Variants in AIF1L observed in about 807,000 individuals in gnomAD.
AIF1L encodes allograft inflammatory factor 1 like.
Under a neutral mutation model 20.7 loss-of-function variants are expected in AIF1L, and 12 were observed. The observed-to-expected ratio is 0.58, with a 90% CI of 0.37 to 0.94. The LOEUF (loss-of-function observed/expected upper bound fraction) is 0.94, where lower values mean the gene tolerates loss of function less well. Among genes scored for constraint, AIF1L ranks in the 40% least tolerant of loss-of-function variants. The probability of loss-of-function intolerance (pLI) is 0.01; values close to 1 mark genes in which losing one functional copy is unlikely to be tolerated. For missense variants in AIF1L, 173 were observed against 185.3 expected (o/e 0.93, Z 0.39); for synonymous variants, 76 against 65.1 (o/e 1.17, Z -0.81).
chr9:131,102,972 G>A (rs538555537), intron 2 of AIF1L: 18 of 456,380 alleles, frequency 3.9e-5, no homozygotes, highest in South Asian at 1.1e-4. Context: ...GCAAGGGTTC[G>A]CCAGAAGGTG....
In AIF1L at chr9:131,103,019, G is replaced by A. The variant is rs538129537; in HGVS notation, c.93+6156G>A. 229 of 456,248 alleles carry A rather than the reference G, an allele frequency of 5.0e-4. 1 individual carries two copies. Among genetic ancestry groups the A allele is most frequent in the Non-Finnish European group, 6.7e-4 (152 of 226,834 alleles). The allele number at this position is 456,248 out of a possible 1,614,324, so 28.3% of individuals were successfully genotyped here. On this transcript the variant is annotated intron_variant, in intron 2 of 5. Transcript: ENST00000247291. ...AGCCCAGAAAGAGAGTTAAGTCAGC[G>A]AGGAGCAGGCAGGTGGGAGGGCTTC...
At position 131,099,119 on chromosome 9, in the gene AIF1L, G is replaced by A. The variant is rs575171347; in HGVS notation, c.93+2256G>A. Among the ~76,000 whole-genome samples, 358 of 152,332 alleles carry A rather than the reference G, an allele frequency of 2.4e-3. 1 individual carries two copies. Among genetic ancestry groups the A allele is most frequent in the Admixed American group, 3.5e-3 (53 of 15,302 alleles). On this transcript the variant is annotated intron_variant, in intron 2 of 5. Coordinates refer to ENST00000247291, the MANE Select transcript of AIF1L (RefSeq NM_031426.4). ...ATAATGGTTGTGATTTTTTCAGTGA[G>A]ACAATCTATGTAAAGCACCCAGGAG...
chr9:131,101,492 G>A (rs757305509), intron 2 of AIF1L, among the ~76,000 whole-genome samples: 6 of 151,786 alleles, frequency 4.0e-5, no homozygotes, highest in African/African-American at 7.3e-5. Flanking sequence ...GACTATAGGC[G>A]TGCACCACCA....
chr9:131,097,081 T>C (rs2133368016), intron 2 of AIF1L, among the ~76,000 whole-genome samples: 1 of 152,276 alleles, frequency 6.6e-6, no homozygotes, highest in East Asian at 1.9e-4. Flanking sequence ...TTGCAAGTTG[T>C]TACTCTTGCA....
intron 2 of AIF1L, chr9:131,106,247 G>A (rs77108388): frequency 0.026 from 40,404 of 1,534,722 alleles, 796 homozygotes; most frequent in Non-Finnish European, 0.028. Context: ...ACAGCTGCTT[G>A]CTGGCTCTGC....
intron 3 of AIF1L, chr9:131,114,162 C>G (rs1442759167): frequency 4.6e-6 from 1 of 215,194 alleles, no homozygotes; most frequent in Non-Finnish European, 9.6e-6. Context: ...TCAGAACTGC[C>G]TGGGACGCTA....
At chr9:131,117,699 CCCTGCTAA>C in intron 4 of AIF1L, 49 bp from the exon 5 acceptor site, 1 of 1,509,312 alleles carries the variant, frequency 6.6e-7, no homozygotes, top group Non-Finnish European at 8.9e-7. Flanking sequence ...TTCCCAGCTT[CCCTGCTAA>C]GCCCCAGCAG....
At position 131,104,754 on chromosome 9, in the gene AIF1L, CG is replaced by C. The variant is rs1031216906; in HGVS notation, c.94-6840del. ...TAACATTTATTTAGTATTTGCTGGC[CG>C]GGTGCGGTGGCTCATACTTGTAATC... On this transcript the variant is annotated intron_variant, in intron 2 of 5. Coordinates refer to ENST00000247291, the MANE Select transcript of AIF1L (RefSeq NM_031426.4). 2.7e-4 allele frequency among the ~76,000 whole-genome samples: 41 copies of C among 152,044 alleles called. 1 individual carries two copies. Among genetic ancestry groups the C allele is most frequent in the Admixed American group, 1.0e-3 (16 of 15,246 alleles).
intron 2 of AIF1L, among the ~76,000 whole-genome samples, chr9:131,100,356 A>G (rs1206727220): frequency 1.3e-5 from 2 of 152,206 alleles, no homozygotes; most frequent in Admixed American, 6.5e-5. Context: ...TTTTCTGAAC[A>G]CTTGGTATGT....
chr9:131,119,711 C>T (rs547455074), intron 5 of AIF1L, among the ~76,000 whole-genome samples: 48 of 152,284 alleles, frequency 3.2e-4, no homozygotes, highest in South Asian at 1.7e-3. Context: ...CAGGGAGAAA[C>T]GCCAAGGATC....
At chr9:131,105,584 A>G (rs552517028) in intron 2 of AIF1L, among the ~76,000 whole-genome samples, 9 of 152,172 alleles carry the variant, frequency 5.9e-5, no homozygotes, top group Admixed American at 5.9e-4. Context: ...ACCTCAGGTG[A>G]TCCGCCTGCC....
At chr9:131,110,527 G>A (rs1413912290) in intron 2 of AIF1L, among the ~76,000 whole-genome samples, 12 of 146,796 alleles carry the variant, frequency 8.2e-5, no homozygotes, top group African/African-American at 2.8e-4. Context: ...TTTTTAAGAT[G>A]GAGTCTCTCT....
intron 2 of AIF1L, chr9:131,102,803 G>A (rs563782285): frequency 1.0e-4 from 44 of 438,956 alleles, no homozygotes; most frequent in African/African-American, 4.8e-4. Context: ...TGTGGGCTGC[G>A]TCAGAGGTCC....
chr9:131,116,163 T>A (rs1251851166), intron 4 of AIF1L, among the ~76,000 whole-genome samples: 2 of 152,128 alleles, frequency 1.3e-5, no homozygotes, highest in Non-Finnish European at 2.9e-5. Flanking sequence ...CTGTTTTATA[T>A]CATTTTTGAG....
intron 4 of AIF1L, among the ~76,000 whole-genome samples, chr9:131,116,133 C>G (rs1831007509): frequency 6.6e-6 from 1 of 152,094 alleles, no homozygotes; most frequent in Admixed American, 6.6e-5. Flanking sequence ...GCCTTCCACT[C>G]TTTATTCTAA....
At chr9:131,114,494 A>G in intron 3 of AIF1L, 83 bp from the exon 4 acceptor site, 1 of 1,508,772 alleles carries the variant, frequency 6.6e-7, no homozygotes, top group African/African-American at 1.4e-5. Flanking sequence ...GGACACGGTC[A>G]TTTGCCCACA....
chr9:131,115,320 G>C (rs1422082145), intron 4 of AIF1L, among the ~76,000 whole-genome samples: 5 of 151,682 alleles, frequency 3.3e-5, no homozygotes, highest in Non-Finnish European at 5.9e-5. Flanking sequence ...TGTGGTGGCG[G>C]GTGCCTGTAA....
chr9:131,096,719 CCG>C (rs1464709938), intron 1 of AIF1L, 59 bp downstream of exon 1: 1 of 1,449,428 alleles, frequency 6.9e-7, no homozygotes, highest in African/African-American at 1.5e-5. Flanking sequence ...GCGGGGTCCA[CCG>C]CGCGCGGGAA....
At chr9:131,116,011 C>T (rs1353480755) in intron 4 of AIF1L, among the ~76,000 whole-genome samples, 5 of 147,078 alleles carry the variant, frequency 3.4e-5, no homozygotes, top group Non-Finnish European at 6.0e-5. Context: ...ATCAAATAAA[C>T]ACATTTTCAT....
Sources: gnomAD v4.1 joint callset for allele counts (sites outside exome capture counted in the v4.1 genomes callset) on GRCh38, gnomAD v4.1.1 for gene constraint, MANE v1.5 for transcripts, NCBI Gene and HGNC (gene_info 2026-07-23, HGNC 2026-07-21) for gene names.